GRM5: variants seen among roughly 807,000 people sequenced by gnomAD.
GRM5 encodes glutamate metabotropic receptor 5, also known as metabotropic glutamate receptor 5.
GRM5 carries 19 observed loss-of-function variants against 83.1 expected under a neutral mutation model. The ratio of observed to expected loss-of-function variants is 0.23; its 90% CI spans 0.16 to 0.34. The LOEUF is 0.34. Ranked by LOEUF, GRM5 falls within the 10% of genes least tolerant of loss-of-function variation. The pLI, the probability that GRM5 is intolerant of heterozygous loss-of-function variation, is 1.00. For missense variants in GRM5, 1,160 were observed against 1,588.3 expected (o/e 0.73, Z 4.58); for synonymous variants, 675 against 633.6 (o/e 1.07, Z -0.98).
At chr11:88,638,773 GTATT>G (rs1360420246) in intron 4 of GRM5, among the ~76,000 whole-genome samples, 1 of 151,940 alleles carries the variant, frequency 6.6e-6, no homozygotes, top group African/African-American at 2.4e-5. Context: ...GTTGCTCATA[GTATT>G]TATTTTCTTT....
intron 2 of GRM5, among the ~76,000 whole-genome samples, chr11:88,860,006 C>T (rs1369462288): frequency 6.6e-6 from 1 of 151,990 alleles, no homozygotes; most frequent in Non-Finnish European, 1.5e-5. Context: ...ATAGACATAC[C>T]ATATTATCTT....
At chr11:88,654,376 G>A (rs1330086782) in intron 3 of GRM5, among the ~76,000 whole-genome samples, 2 of 152,078 alleles carry the variant, frequency 1.3e-5, no homozygotes, top group Admixed American at 6.6e-5. Flanking sequence ...AAGGAAGAAG[G>A]AAAGTGACTT....
chr11:88,867,151 C>T (rs563234067), intron 2 of GRM5, among the ~76,000 whole-genome samples: 3 of 151,924 alleles, frequency 2.0e-5, no homozygotes, highest in South Asian at 4.2e-4. Flanking sequence ...ATGCCTCCAG[C>T]GTTGTTCTTT....
At chr11:88,765,048 G>T (rs573596227) in intron 3 of GRM5, among the ~76,000 whole-genome samples, 18 of 151,146 alleles carry the variant, frequency 1.2e-4, no homozygotes, top group Non-Finnish European at 2.1e-4. Flanking sequence ...GAAATAAAAA[G>T]GATTATAAAG....
chr11:88,571,493 T>C (rs898746402), intron 7 of GRM5, among the ~76,000 whole-genome samples: 20 of 152,182 alleles, frequency 1.3e-4, no homozygotes, highest in Non-Finnish European at 2.4e-4. Context: ...AATCTTATAA[T>C]TGAATAAGAT....
At chr11:88,653,455 A>G (rs762723513) in intron 3 of GRM5, 52 bp from the exon 4 acceptor site, 2 of 1,224,654 alleles carry the variant, frequency 1.6e-6, no homozygotes, top group South Asian at 2.5e-5. Context: ...TCCTAAGCAA[A>G]TGAGTCCATT....
At chr11:88,552,682 G>A (rs896563113) in intron 8 of GRM5, among the ~76,000 whole-genome samples, 1 of 152,110 alleles carries the variant, frequency 6.6e-6, no homozygotes, top group South Asian at 2.1e-4. Context: ...GAGAAGAAAA[G>A]GAGGAGGAAA....
intron 2 of GRM5, among the ~76,000 whole-genome samples, chr11:88,885,363 CCTT>C (rs869279347): frequency 6.7e-6 from 1 of 148,784 alleles, no homozygotes; most frequent in African/African-American, 2.5e-5. Context: ...AATTAGAAAT[CCTT>C]CTATAGAAAA....
In GRM5 at chr11:88,526,484, A is replaced by G. The variant is rs549338300; in HGVS notation, c.2631-1080T>C. On this transcript the variant is annotated intron_variant, in intron 8 of 9. Coordinates refer to ENST00000305447, the MANE Select transcript of GRM5 (RefSeq NM_001143831.3). ...ACCTGTAGAGCTTGCAGGGGCCCAG[A>G]GCTCTTAAGGTTTTATTACCTTTTC... Among the ~76,000 whole-genome samples, 9 of 152,288 alleles carry G rather than the reference A, an allele frequency of 5.9e-5. No homozygotes were observed. The South Asian group carries it at 1.9e-3, about 32-fold the overall frequency.
Position 88,978,305 on chromosome 11 carries a change from G to T in GRM5, c.661+68907C>A, listed in dbSNP as rs565459926. Reference sequence around the variant, plus strand: ...GATGGATATATTTATGGCATTGGTTGTGCTGATGGTTTCATGGGTGTATAT... The same window carrying T: ...GATGGATATATTTATGGCATTGGTTTTGCTGATGGTTTCATGGGTGTATAT... On this transcript the variant is annotated intron_variant, in intron 2 of 9. Coordinates refer to ENST00000305447, the MANE Select transcript of GRM5 (RefSeq NM_001143831.3). 2.0e-5 allele frequency among the ~76,000 whole-genome samples: 3 copies of T among 152,054 alleles called. No individual in the cohort carries two copies. The East Asian group carries it at 5.8e-4, about 29-fold the overall frequency.
intron 3 of GRM5, among the ~76,000 whole-genome samples, chr11:88,820,299 C>T (rs112625142): frequency 4.5e-5 from 6 of 134,502 alleles, no homozygotes; most frequent in African/African-American, 1.5e-4. Flanking sequence ...GGTGTGAACC[C>T]GGGAGGCAGA....
chr11:88,975,240 A>G (rs1384571467), intron 2 of GRM5, among the ~76,000 whole-genome samples: 1 of 152,232 alleles, frequency 6.6e-6, no homozygotes, highest in Admixed American at 6.6e-5. Context: ...TTGACGTTTC[A>G]CAAACCGTGA....
intron 2 of GRM5, among the ~76,000 whole-genome samples, chr11:89,015,356 C>T (rs1174771163): frequency 6.6e-6 from 1 of 152,202 alleles, no homozygotes. Flanking sequence ...CACATGCTAT[C>T]ACCTTGGTGG....
chr11:88,633,912 C>T (rs1045140047), intron 4 of GRM5, among the ~76,000 whole-genome samples: 1 of 152,142 alleles, frequency 6.6e-6, no homozygotes, highest in South Asian at 2.1e-4. Flanking sequence ...GCAATTTCAT[C>T]ACTGTTTGAA....
At chr11:88,988,077 A>C (rs1298499270) in intron 2 of GRM5, among the ~76,000 whole-genome samples, 1 of 149,776 alleles carries the variant, frequency 6.7e-6, no homozygotes, top group East Asian at 2.0e-4. Context: ...ACGGGAGGAC[A>C]TTCAAACCAA....
chr11:88,687,638 C>T (rs1215703668), intron 3 of GRM5, among the ~76,000 whole-genome samples: 3 of 119,580 alleles, frequency 2.5e-5, no homozygotes, highest in Admixed American at 1.0e-4. Context: ...ATGAATTATA[C>T]GTGCTCTGCA....
chr11:88,699,908 T>A (rs1940989386), intron 3 of GRM5, among the ~76,000 whole-genome samples: 1 of 152,208 alleles, frequency 6.6e-6, no homozygotes, highest in African/African-American at 2.4e-5. Context: ...GAGCAAGTTC[T>A]GTGTATGTTT....
At chr11:88,875,708 T>C (rs1002688155) in intron 2 of GRM5, among the ~76,000 whole-genome samples, 13 of 152,110 alleles carry the variant, frequency 8.5e-5, no homozygotes, top group Admixed American at 7.2e-4. Flanking sequence ...TCAGGATAGA[T>C]GTTGTCTTAG....
intron 3 of GRM5, among the ~76,000 whole-genome samples, chr11:88,675,464 G>C (rs1311137979): frequency 6.6e-6 from 1 of 151,932 alleles, no homozygotes; most frequent in Non-Finnish European, 1.5e-5. Context: ...GCTCAAGGAA[G>C]ATATGAGCCT....
Sources: allele counts gnomAD v4.1 joint callset (sites outside exome capture counted in the v4.1 genomes callset), GRCh38; gene constraint gnomAD v4.1.1; transcripts MANE v1.5; gene names NCBI Gene and HGNC (gene_info 2026-07-23, HGNC 2026-07-21).